ULK4: variants seen among roughly 807,000 people sequenced by gnomAD.
ULK4 encodes the protein inactive serine/threonine-protein kinase ULK4.
ULK4 carries 133 observed loss-of-function variants against 160.6 expected under a neutral mutation model. The ratio of observed to expected loss-of-function variants is 0.83; its 90% CI spans 0.72 to 0.96. The LOEUF (loss-of-function observed/expected upper bound fraction) is 0.96. Among genes scored for constraint, ULK4 ranks in the 40% least tolerant of loss-of-function variants. ULK4 has a pLI of 0.00. For missense variants in ULK4, 1,580 were observed against 1,499.5 expected (o/e 1.05, Z -0.89); for synonymous variants, 534 against 539.8 (o/e 0.99, Z 0.15).
At chr3:41,929,699 C>A (rs956833573) in intron 5 of ULK4, among the ~76,000 whole-genome samples, 3 of 152,090 alleles carry the variant, frequency 2.0e-5, no homozygotes, top group African/African-American at 7.2e-5. Flanking sequence ...CAATAACAAA[C>A]AAACAGAGAG....
At chr3:41,780,508 T>C (rs2039802712) in intron 21 of ULK4, among the ~76,000 whole-genome samples, 2 of 152,062 alleles carry the variant, frequency 1.3e-5, no homozygotes, top group African/African-American at 4.8e-5. Flanking sequence ...TTCTGTCAGT[T>C]TGTTCAGGAA....
chr3:41,293,501 C>T lies in ULK4; in HGVS notation c.3679-43927G>A, dbSNP rs114849400. ...CAAAGACTCACCATCAAATGGAGAA[C>T]TAAATTCCCATACAACATGTTACAG... On this transcript the variant is annotated intron_variant, in intron 35 of 36. Transcript: ENST00000301831. Among the ~76,000 whole-genome samples the T allele has an allele frequency of 3.5e-4, 53 of 152,230 alleles. 1 individual carries two copies. The highest frequency in any genetic ancestry group is 7.4e-4 in the Non-Finnish European group (50 of 68,002).
intron 17 of ULK4, among the ~76,000 whole-genome samples, chr3:41,883,467 T>C (rs553023912): frequency 7.2e-5 from 11 of 152,204 alleles, no homozygotes; most frequent in Non-Finnish European, 1.6e-4. Flanking sequence ...ACGGAATAGG[T>C]AGAAAGTAAT....
rs1346913786 is a variant in ULK4, at chr3:41,681,821, A to T, written c.2782-17T>A. On this transcript the variant is annotated splice_polypyrimidine_tract_variant and intron_variant, in intron 27 of 36. Coordinates refer to ENST00000301831, the MANE Select transcript of ULK4 (RefSeq NM_017886.4). ...GTCAACAACCTAAAAGAAAGCATGT[A>T]AAAGACTCAGAATCTCTATGAACAC... The T allele has an allele frequency of 6.2e-7, 1 of 1,613,724 alleles. No homozygotes were observed. Among genetic ancestry groups the T allele is most frequent in the South Asian group, 1.1e-5 (1 of 91,006 alleles).
At chr3:41,262,756 A>T (rs755037209) in intron 35 of ULK4, among the ~76,000 whole-genome samples, 1 of 152,208 alleles carries the variant, frequency 6.6e-6, no homozygotes, top group Non-Finnish European at 1.5e-5. Flanking sequence ...GCAGGGCAGT[A>T]AAAATGCCCT....
At chr3:41,488,644 C>A (rs538899917) in intron 32 of ULK4, among the ~76,000 whole-genome samples, 11 of 152,190 alleles carry the variant, frequency 7.2e-5, no homozygotes, top group Non-Finnish European at 1.6e-4. Flanking sequence ...AATGTGCTAA[C>A]AGTGAGTAAG....
At chr3:41,337,673 A>G (rs1409703258) in intron 35 of ULK4, among the ~76,000 whole-genome samples, 1 of 152,188 alleles carries the variant, frequency 6.6e-6, no homozygotes, top group African/African-American at 2.4e-5. Flanking sequence ...TTCACACAAT[A>G]TGCTGCGGTA....
At chr3:41,847,103 T>C (rs578177710) in intron 17 of ULK4, among the ~76,000 whole-genome samples, 71 of 152,276 alleles carry the variant, frequency 4.7e-4, no homozygotes, top group African/African-American at 1.7e-3. Context: ...TCAAAACCTA[T>C]TTTATAACAA....
intron 22 of ULK4, among the ~76,000 whole-genome samples, chr3:41,722,607 G>A (rs1436807559): frequency 6.6e-6 from 1 of 151,560 alleles, no homozygotes; most frequent in Non-Finnish European, 1.5e-5. Flanking sequence ...CTCCAGCCTG[G>A]GCAATAAGAG....
intron 34 of ULK4, among the ~76,000 whole-genome samples, chr3:41,398,869 T>C (rs976296370): frequency 6.6e-6 from 1 of 152,128 alleles, no homozygotes; most frequent in Non-Finnish European, 1.5e-5. Flanking sequence ...TCAATACACA[T>C]ATACAATGTG....
chr3:41,554,619 G>A (rs910968259), intron 32 of ULK4, among the ~76,000 whole-genome samples: 7 of 152,160 alleles, frequency 4.6e-5, no homozygotes, highest in African/African-American at 1.7e-4. Context: ...TACCGAGATG[G>A]AAGGAATAAG....
At chr3:41,638,461 A>G (rs1417148819) in intron 30 of ULK4, among the ~76,000 whole-genome samples, 1 of 152,246 alleles carries the variant, frequency 6.6e-6, no homozygotes, top group Non-Finnish European at 1.5e-5. Flanking sequence ...CTGAAGATAC[A>G]AAGTGTCACC....
chr3:41,726,218 T>C (rs550972218), intron 22 of ULK4, among the ~76,000 whole-genome samples: 4 of 152,314 alleles, frequency 2.6e-5, no homozygotes, highest in East Asian at 3.9e-4. Flanking sequence ...GTACAGACTG[T>C]TAATACATAA....
At chr3:41,669,957 A>G (rs1293130036) in intron 29 of ULK4, among the ~76,000 whole-genome samples, 1 of 152,236 alleles carries the variant, frequency 6.6e-6, no homozygotes, top group Non-Finnish European at 1.5e-5. Flanking sequence ...GAGCAGGAAG[A>G]TATTAACTTA....
chr3:41,877,383 G>C (rs1055336908), intron 17 of ULK4, among the ~76,000 whole-genome samples: 3 of 151,880 alleles, frequency 2.0e-5, no homozygotes, highest in African/African-American at 7.3e-5. Context: ...GCCTAGGCTG[G>C]AGCGCAGTGG....
intron 30 of ULK4, among the ~76,000 whole-genome samples, chr3:41,662,247 T>C (rs1464295757): frequency 2.0e-5 from 3 of 152,186 alleles, no homozygotes; most frequent in African/African-American, 4.8e-5. Context: ...AGCAAACACT[T>C]TGCTTCCAAT....
chr3:41,639,307 T>C (rs17059824), intron 30 of ULK4, among the ~76,000 whole-genome samples: 9,120 of 152,300 alleles, frequency 0.06, 932 homozygotes, highest in African/African-American at 0.21. Context: ...CAGTGCTGCA[T>C]ATTTTAACAT....
At chr3:41,581,155 A>G (rs557164840) in intron 31 of ULK4, among the ~76,000 whole-genome samples, 1 of 152,294 alleles carries the variant, frequency 6.6e-6, no homozygotes, top group African/African-American at 2.4e-5. Flanking sequence ...AAATCCTCAG[A>G]AGCCTATCTT....
At position 41,896,843 on chromosome 3, in the gene ULK4, G is replaced by T. The variant is rs199883434; in HGVS notation, c.1509C>A (p.Thr503=). 1.5e-3 allele frequency: 2,499 copies of T among 1,612,830 alleles called. 3 individuals are homozygous for T. The highest frequency in any genetic ancestry group is 1.7e-3 in the Non-Finnish European group (1,985 of 1,179,672). ...TTACCAGGGGGGAATGGAGGAGCCT[G>T]GTGGCCACCTCCTGGTGACCAGCCA... ...CVVAGHQEVA[T]RLLHSPLFQL... is the part of the protein sequence containing the mutation. The change falls in exon 15 of 37, where the codon ACC becomes ACA. Residue 503 remains threonine (T), a synonymous_variant. Transcript: ENST00000301831.
Sources: allele counts gnomAD v4.1 joint callset (sites outside exome capture counted in the v4.1 genomes callset), GRCh38; gene constraint gnomAD v4.1.1; transcripts MANE v1.5; gene names NCBI Gene and HGNC (gene_info 2026-07-23, HGNC 2026-07-21).